CELF4: variants seen among roughly 807,000 people sequenced by gnomAD.
CELF4 encodes the protein CUGBP Elav-like family member 4.
In CELF4, 18 loss-of-function variants were observed where a neutral mutation model predicts 59.9. The observed-to-expected ratio is 0.30, with a 90% CI of 0.21 to 0.45. The LOEUF is 0.45. Among genes scored for constraint, CELF4 ranks in the 20% least tolerant of loss-of-function variants. The probability of loss-of-function intolerance (pLI) is 1.00; values close to 1 mark genes in which losing one functional copy is unlikely to be tolerated. For synonymous variants in CELF4, 261 were observed against 267.1 expected (o/e 0.98, Z 0.22); for missense variants, 456 against 689.0 (o/e 0.66, Z 3.79).
chr18:37,492,737 T>A (rs1435370121), intron 1 of CELF4, among the ~76,000 whole-genome samples: 1 of 152,176 alleles, frequency 6.6e-6, no homozygotes, highest in Non-Finnish European at 1.5e-5. Context: ...GCTGAAGCCC[T>A]GAGCATCTAC....
intron 1 of CELF4, among the ~76,000 whole-genome samples, chr18:37,537,520 T>C (rs189330436): frequency 6.6e-6 from 1 of 152,264 alleles, no homozygotes; most frequent in East Asian, 1.9e-4. Flanking sequence ...TAAAAGGACA[T>C]GGTTCCTCTG....
At chr18:37,448,745 C>T (rs1212181114) in intron 2 of CELF4, among the ~76,000 whole-genome samples, 7 of 152,216 alleles carry the variant, frequency 4.6e-5, no homozygotes, top group African/African-American at 1.4e-4. Flanking sequence ...CCAGACTCTG[C>T]GCTTCCCAAG....
intron 1 of CELF4, among the ~76,000 whole-genome samples, chr18:37,532,900 T>C (rs2099970676): frequency 6.6e-6 from 1 of 152,252 alleles, no homozygotes; most frequent in African/African-American, 2.4e-5. Flanking sequence ...GACCTAAAGT[T>C]CTTGTCTAAG....
intron 1 of CELF4, among the ~76,000 whole-genome samples, chr18:37,532,602 C>T (rs2099970422): frequency 2.6e-5 from 4 of 151,270 alleles, no homozygotes; most frequent in African/African-American, 9.7e-5. Flanking sequence ...AGGGATTTGA[C>T]TTTTTATGTT....
At chr18:37,399,270 G>A (rs758533456) in intron 2 of CELF4, among the ~76,000 whole-genome samples, 4 of 152,144 alleles carry the variant, frequency 2.6e-5, no homozygotes, top group Non-Finnish European at 4.4e-5. Context: ...GATTGATGCC[G>A]TTATCATTAG....
chr18:37,280,276 C>A (rs1182682039), intron 3 of CELF4, among the ~76,000 whole-genome samples: 2 of 151,804 alleles, frequency 1.3e-5, no homozygotes, highest in Non-Finnish European at 2.9e-5. Context: ...AAACCCCTGA[C>A]TTTGCATCTC....
chr18:37,502,261 G>A (rs922481292), intron 1 of CELF4, among the ~76,000 whole-genome samples: 2 of 152,128 alleles, frequency 1.3e-5, no homozygotes, highest in African/African-American at 4.8e-5. Flanking sequence ...CCTTCTCCAT[G>A]AAATCGGTGC....
chr18:37,405,660 C>A (rs1454041876), intron 2 of CELF4, among the ~76,000 whole-genome samples: 3 of 152,216 alleles, frequency 2.0e-5, no homozygotes, highest in Non-Finnish European at 2.9e-5. Context: ...CCAGAGGGTC[C>A]CTAAGATTGC....
intron 1 of CELF4, among the ~76,000 whole-genome samples, chr18:37,529,372 G>C (rs1053609465): frequency 2.0e-5 from 3 of 152,332 alleles, no homozygotes; most frequent in Non-Finnish European, 2.9e-5. Flanking sequence ...AGACTGCATG[G>C]GTCGAGGTGC....
At chr18:37,402,439 G>A (rs1453615340) in intron 2 of CELF4, among the ~76,000 whole-genome samples, 1 of 152,094 alleles carries the variant, frequency 6.6e-6, no homozygotes, top group Non-Finnish European at 1.5e-5. Flanking sequence ...GGGACCCCAG[G>A]GAGCTGCCCC....
chr18:37,428,682 C>T (rs1209742819), intron 2 of CELF4, among the ~76,000 whole-genome samples: 1 of 152,136 alleles, frequency 6.6e-6, no homozygotes, highest in Non-Finnish European at 1.5e-5. Flanking sequence ...TAAATCAGCA[C>T]TCAGAGGAAG....
intron 8 of CELF4, among the ~76,000 whole-genome samples, chr18:37,267,775 C>T (rs2078393681): frequency 6.6e-6 from 1 of 152,070 alleles, no homozygotes; most frequent in African/African-American, 2.4e-5. Flanking sequence ...GTGGCTCATG[C>T]CTGCAATCCC....
chr18:37,527,863 A>G (rs1421097634), intron 1 of CELF4, among the ~76,000 whole-genome samples: 1 of 152,128 alleles, frequency 6.6e-6, no homozygotes, highest in Non-Finnish European at 1.5e-5. Context: ...GCTGCACTGC[A>G]TTTGATTTCA....
chr18:37,284,470 T>C (rs2094536281), intron 3 of CELF4, among the ~76,000 whole-genome samples: 1 of 152,140 alleles, frequency 6.6e-6, no homozygotes, highest in African/African-American at 2.4e-5. Context: ...CAGTGCACCA[T>C]GCCCTCCCTT....
At chr18:37,463,335 C>T (rs1291412085) in intron 2 of CELF4, among the ~76,000 whole-genome samples, 2 of 152,146 alleles carry the variant, frequency 1.3e-5, no homozygotes, top group African/African-American at 4.8e-5. Context: ...CAGGCAACTC[C>T]CCAGAGCCCT....
chr18:37,403,725 C>T (rs957506782), intron 2 of CELF4, among the ~76,000 whole-genome samples: 2 of 152,160 alleles, frequency 1.3e-5, no homozygotes, highest in Non-Finnish European at 2.9e-5. Flanking sequence ...TAGGCAGAAG[C>T]GTGAGTGATA....
At chr18:37,338,560 G>A (rs919273812) in intron 2 of CELF4, among the ~76,000 whole-genome samples, 12 of 152,142 alleles carry the variant, frequency 7.9e-5, no homozygotes, top group Non-Finnish European at 1.8e-4. Flanking sequence ...GGGTGGAGTG[G>A]AGCCTTCTAG....
chr18:37,275,592 C>T, intron 3 of CELF4: 1 of 279,010 alleles, frequency 3.6e-6, no homozygotes, highest in Non-Finnish European at 6.9e-6. Context: ...CACTAGAGCA[C>T]ACGGGCAGCC....
chr18:37,443,550 A>C lies in CELF4; in HGVS notation c.369+41975T>G, dbSNP rs149641513. On this transcript the variant is annotated intron_variant, in intron 2 of 12. Coordinates refer to ENST00000420428, the MANE Select transcript of CELF4 (RefSeq NM_020180.4). ...TTCAGCCAGCGTTTCTCAAAGCAGGACAATGACATCATCAGTGTGGGTGGA... is the reference window on the plus strand; with the variant it reads ...TTCAGCCAGCGTTTCTCAAAGCAGGCCAATGACATCATCAGTGTGGGTGGA... 5.3e-4 allele frequency among the ~76,000 whole-genome samples: 81 copies of C among 152,302 alleles called. 2 individuals carry two copies. Among genetic ancestry groups the C allele is most frequent in the African/African-American group, 1.9e-3 (78 of 41,574 alleles).
Sources: gnomAD v4.1 joint callset for allele counts (sites outside exome capture counted in the v4.1 genomes callset) on GRCh38, gnomAD v4.1.1 for gene constraint, MANE v1.5 for transcripts, NCBI Gene and HGNC (gene_info 2026-07-23, HGNC 2026-07-21) for gene names.